The following GLIS3 variants were observed in gnomAD, a reference collection of about 807,000 sequenced individuals.
GLIS3 encodes GLIS family zinc finger 3.
Under a neutral mutation model 78.6 loss-of-function variants are expected in GLIS3, and 53 were observed. The observed-to-expected ratio is 0.67, with a 90% confidence interval of 0.54 to 0.85. The LOEUF is 0.85. Among genes scored for constraint, GLIS3 ranks in the 40% least tolerant of loss-of-function variants. The pLI, the probability that GLIS3 is intolerant of heterozygous loss-of-function variation, is 0.00. For missense variants in GLIS3, 1,703 were observed against 1,231.1 expected (o/e 1.38, Z -5.74); for synonymous variants, 684 against 509.9 (o/e 1.34, Z -4.60).
chr9:4,320,916 G>T (rs115731367), intron 2 of GLIS3, among the ~76,000 whole-genome samples: 2 of 151,654 alleles, frequency 1.3e-5, no homozygotes, highest in East Asian at 2.1e-4. Flanking sequence ...TGCAAGTTTT[G>T]AAAGTCTGTC....
chr9:4,460,307 A>C, the GLIS3 span, among the ~76,000 whole-genome samples: 1 of 152,210 alleles, frequency 6.6e-6, no homozygotes, highest in Non-Finnish European at 1.5e-5. Flanking sequence ...TAATTATAAA[A>C]TGGGGTTGAA....
intron 2 of GLIS3, among the ~76,000 whole-genome samples, chr9:4,204,789 C>A (rs1434602104): frequency 1.3e-5 from 2 of 152,098 alleles, no homozygotes; most frequent in Non-Finnish European, 2.9e-5. Flanking sequence ...TGGCAGGCAC[C>A]TGTAATCCCA....
At chr9:4,025,254 A>C (rs1005207543) in intron 4 of GLIS3, among the ~76,000 whole-genome samples, 2 of 152,184 alleles carry the variant, frequency 1.3e-5, no homozygotes, top group African/African-American at 2.4e-5. Flanking sequence ...CGTCTCAAAA[A>C]AAAAAGAAAA....
chr9:4,075,742 T>C (rs749866960), intron 4 of GLIS3, among the ~76,000 whole-genome samples: 21 of 151,062 alleles, frequency 1.4e-4, no homozygotes, highest in Non-Finnish European at 2.7e-4. Context: ...ATAGGCAACC[T>C]GTGATATAGT....
chr9:4,369,140 C>G, the GLIS3 span, among the ~76,000 whole-genome samples: 3 of 152,080 alleles, frequency 2.0e-5, no homozygotes, highest in African/African-American at 7.2e-5. Flanking sequence ...AATTTTTGCA[C>G]ATTATTAAGA....
At chr9:4,297,700 C>T (rs1049225836) in intron 1 of GLIS3, among the ~76,000 whole-genome samples, 1 of 152,138 alleles carries the variant, frequency 6.6e-6, no homozygotes, top group African/African-American at 2.4e-5. Flanking sequence ...GGTTTACATG[C>T]TCCAGAGATG....
At chr9:3,890,255 C>G (rs1317339458) in intron 7 of GLIS3, among the ~76,000 whole-genome samples, 2 of 152,144 alleles carry the variant, frequency 1.3e-5, no homozygotes, top group East Asian at 1.9e-4. Context: ...TACTTCTACT[C>G]TTCATGGAAA....
intron 2 of GLIS3, among the ~76,000 whole-genome samples, chr9:4,168,538 A>G (rs1198345375): frequency 1.3e-5 from 2 of 152,248 alleles, no homozygotes; most frequent in African/African-American, 2.4e-5. Context: ...AGTGGTTTAA[A>G]GCTCTTTAGT....
intron 4 of GLIS3, among the ~76,000 whole-genome samples, chr9:3,953,055 C>A (rs938302485): frequency 1.3e-5 from 2 of 152,144 alleles, no homozygotes; most frequent in African/African-American, 4.8e-5. Flanking sequence ...GGTGAAGAGT[C>A]AAGTCACCAC....
chr9:4,456,709 T>G, the GLIS3 span, among the ~76,000 whole-genome samples: 1 of 152,220 alleles, frequency 6.6e-6, no homozygotes, highest in Non-Finnish European at 1.5e-5. Flanking sequence ...TAGAGGCCAT[T>G]GTAGGGTTAC....
Position 4,121,661 on chromosome 9 carries a change from A to ACC in GLIS3, c.597-2782_597-2781dup, listed in dbSNP as rs3220712. Among the ~76,000 whole-genome samples the ACC allele has an allele frequency of 3.5e-3, 507 of 145,102 alleles. 4 individuals are homozygous for ACC. The highest frequency in any genetic ancestry group is 7.9e-3 in the African/African-American group (308 of 38,834). On this transcript the variant is annotated intron_variant, in intron 3 of 10. Coordinates refer to ENST00000381971, the MANE Select transcript of GLIS3 (RefSeq NM_001042413.2). ...CACACACACACACACACACACACAC[A>ACC]CCCCAAAGTTCTTAGAGAAATACAA...
chr9:4,027,113 A>G (rs1823411221), intron 4 of GLIS3, among the ~76,000 whole-genome samples: 1 of 152,138 alleles, frequency 6.6e-6, no homozygotes, highest in South Asian at 2.1e-4. Context: ...CACAAACACA[A>G]CCTGACCGAC....
chr9:4,218,282 G>C (rs1269765400), intron 2 of GLIS3, among the ~76,000 whole-genome samples: 3 of 151,888 alleles, frequency 2.0e-5, no homozygotes, highest in African/African-American at 4.8e-5. Context: ...AGAGCTGTTT[G>C]GTTGAACTTT....
chr9:4,057,477 TCA>T (rs1826242461), intron 4 of GLIS3, among the ~76,000 whole-genome samples: 1 of 151,994 alleles, frequency 6.6e-6, no homozygotes, highest in Admixed American at 6.6e-5. Flanking sequence ...AAATGGATAA[TCA>T]CAGAAAAATT....
At chr9:3,986,838 G>A (rs1401054658) in intron 4 of GLIS3, among the ~76,000 whole-genome samples, 2 of 152,152 alleles carry the variant, frequency 1.3e-5, no homozygotes, top group Non-Finnish European at 2.9e-5. Context: ...AACTTAACAG[G>A]GTGTCTGCCT....
chr9:4,185,207 C>G (rs1444608228), intron 2 of GLIS3, among the ~76,000 whole-genome samples: 2 of 152,184 alleles, frequency 1.3e-5, no homozygotes, highest in African/African-American at 4.8e-5. Context: ...AAATCACAGT[C>G]TGTGGTCTTT....
At chr9:4,076,471 T>C (rs900790882) in intron 4 of GLIS3, among the ~76,000 whole-genome samples, 5 of 152,196 alleles carry the variant, frequency 3.3e-5, no homozygotes, top group African/African-American at 1.2e-4. Flanking sequence ...CACATTAATT[T>C]TTCTTTCTTA....
chr9:3,854,882 T>TC (rs1819665675), intron 9 of GLIS3, among the ~76,000 whole-genome samples: 2 of 152,176 alleles, frequency 1.3e-5, no homozygotes, highest in Non-Finnish European at 2.9e-5. Flanking sequence ...TCCATAGTAC[T>TC]AGTTGATTCT....
At chr9:4,386,387 CTTTTTA>C in the GLIS3 span, 2 of 50,962 alleles carry the variant, frequency 3.9e-5, no homozygotes, top group Non-Finnish European at 9.6e-5. Flanking sequence ...ATTTTCTTTT[CTTTTTA>C]AAAAAAATTA....
Sources: gnomAD v4.1 joint callset for allele counts (sites outside exome capture counted in the v4.1 genomes callset) on GRCh38, gnomAD v4.1.1 for gene constraint, MANE v1.5 for transcripts, NCBI Gene and HGNC (gene_info 2026-07-23, HGNC 2026-07-21) for gene names.